Variants in ZNF397 observed in about 807,000 individuals in gnomAD.
ZNF397 encodes zinc finger and SCAN domain-containing protein 15.
Under a neutral mutation model 50.6 loss-of-function variants are expected in ZNF397, and 38 were observed. The observed-to-expected ratio is 0.75, with a 90% CI of 0.58 to 0.98. ZNF397 has a LOEUF of 0.98. Among genes scored for constraint, ZNF397 ranks in the 50% least tolerant of loss-of-function variants. The probability of loss-of-function intolerance (pLI) is 0.00; values close to 1 mark genes in which losing one functional copy is unlikely to be tolerated. For missense variants in ZNF397, 624 were observed against 624.1 expected (o/e 1.00, Z 0.00); for synonymous variants, 228 against 215.2 (o/e 1.06, Z -0.52).
Position 35,245,943 on chromosome 18 carries a change from T to C in ZNF397, c.1238T>C (p.Ile413Thr), listed in dbSNP as rs758934612. 1 of 1,580,016 alleles carries C rather than the reference T, an allele frequency of 6.3e-7. No individual in the cohort carries two copies. Among genetic ancestry groups the C allele is most frequent in the South Asian group, 1.2e-5 (1 of 86,394 alleles). Residue 413 changes from isoleucine (I) to threonine (T), a missense_variant, in exon 4 of 4, where the codon ATT becomes ACT. Coordinates refer to ENST00000330501, the MANE Select transcript of ZNF397 (RefSeq NM_001135178.3). ...GKTFSQSSKLIRHQRIHTGER... is the reference protein window; with the variant it reads ...GKTFSQSSKLTRHQRIHTGER... The stretch of plus-strand genomic sequence containing the variant: ...ACCTTTAGCCAGAGCTCAAAACTCA[T>C]TAGACATCAGCGAATTCACACAGGA...
In ZNF397 at chr18:35,241,471, C is replaced by T. The variant is rs571685877; in HGVS notation, c.-81+362C>T. 1.1e-4 allele frequency: 17 copies of T among 152,346 alleles called. No homozygotes were observed. In the South Asian group the frequency reaches 3.1e-3, roughly 28 times the overall value. 9.4% of individuals were successfully genotyped at this position (152,346 alleles called of 1,614,324 possible). On this transcript the variant is annotated intron_variant, in intron 1 of 3. Transcript: ENST00000330501. ...CGTAGTGTGAGGAATGAATTTTACTCATCTGTCCTGACAAACTAAGGGCAT... is the reference window on the plus strand; with the variant it reads ...CGTAGTGTGAGGAATGAATTTTACTTATCTGTCCTGACAAACTAAGGGCAT...
In ZNF397 at chr18:35,245,434, T is replaced by G. The variant is rs1210130964; in HGVS notation, c.729T>G (p.Phe243Leu). 1 of 1,562,360 alleles carries G rather than the reference T, an allele frequency of 6.4e-7. No homozygotes were observed. The highest frequency in any genetic ancestry group is 2.4e-5 in the East Asian group (1 of 41,450). The change falls in exon 4 of 4, where the codon TTT (phenylalanine) becomes TTG (leucine). Residue 243 changes from phenylalanine (F) to leucine (L), a missense_variant. Physicochemically the swap from Phe to Leu is conservative, Grantham distance 22. Transcript: ENST00000330501. ...GATCTCCTTCCCAAGGGGGCAGTTT[T>G]AGTCAAGTGATCTTCACAAACAAAT... ...KLRSPSQGGS[F>L]SQVIFTNKSL...
downstream of ZNF397, chr18:35,253,900 A>G: frequency 6.2e-7 from 1 of 1,614,184 alleles, no homozygotes; most frequent in East Asian, 2.2e-5. Context: ...TCTGATGTCT[A>G]ACAAGGTCTG....
downstream of ZNF397, chr18:35,253,579 C>A (rs1043928441): frequency 1.9e-6 from 3 of 1,613,640 alleles, no homozygotes; most frequent in African/African-American, 1.3e-5. Flanking sequence ...GGGCTGAGCT[C>A]TGATTGAAGG....
rs1043485006 is a variant in ZNF397, at chr18:35,248,015, A to G, written c.*1705A>G. On this transcript the variant is annotated 3_prime_UTR_variant, in exon 4 of 4. Coordinates refer to ENST00000330501, the MANE Select transcript of ZNF397 (RefSeq NM_001135178.3). ...AAGACAATGCTAAAAGGAAGTGACA[A>G]CTGAAACTAATGGTCACAGTCAGTC... 1 of 152,208 alleles carries G rather than the reference A, an allele frequency of 6.6e-6. No homozygotes were observed. The highest frequency in any genetic ancestry group is 6.5e-5 in the Admixed American group (1 of 15,284). 9.4% of individuals were successfully genotyped at this position (152,208 alleles called of 1,614,324 possible).
intron 2 of ZNF397, 119 bp from the exon 3 acceptor site, chr18:35,243,033 G>T (rs1912635878): frequency 6.6e-7 from 1 of 1,514,270 alleles, no homozygotes; most frequent in African/African-American, 1.4e-5. Flanking sequence ...ACCCTTGAAT[G>T]GTCTTTTTCC....
Position 35,246,450 on chromosome 18 carries a change from C to T in ZNF397, c.*140C>T. 1 of 1,438,660 alleles carries T rather than the reference C, an allele frequency of 7.0e-7. No individual in the cohort carries two copies. Among genetic ancestry groups the T allele is most frequent in the Non-Finnish European group, 9.1e-7 (1 of 1,098,546 alleles). The allele number at this position is 1,438,660 out of a possible 1,614,324, so 89.1% of individuals were successfully genotyped here. On this transcript the variant is annotated 3_prime_UTR_variant, in exon 4 of 4. Transcript: ENST00000330501. ...TCTAGCTTGCTTTGTGCAGCATTTC[C>T]CAGTGCTAATGTAAAGTGTCCCTTG... is the stretch of plus-strand genomic sequence containing the variant.
chr18:35,241,719 C>T (rs1158056328), intron 1 of ZNF397: 2 of 152,076 alleles, frequency 1.3e-5, no homozygotes, highest in Non-Finnish European at 2.9e-5. Context: ...CGTCTTGGTT[C>T]TTGGTCAATT....
At position 35,245,776 on chromosome 18, in the gene ZNF397, T is replaced by G. The variant is rs544389073; in HGVS notation, c.1071T>G (p.Ile357Met). Residue 357 changes from isoleucine (I) to methionine (M), a missense_variant, in exon 4 of 4, where the codon ATT (isoleucine) becomes ATG (methionine). Coordinates refer to ENST00000330501, the MANE Select transcript of ZNF397 (RefSeq NM_001135178.3). ...GKAFNQSSALIRHRKIHTGEK... is the reference protein window; with the variant it reads ...GKAFNQSSALMRHRKIHTGEK... Reference sequence around the variant, plus strand: ...CTTTCAATCAGAGCTCAGCCCTCATTAGACATCGGAAAATCCATACTGGTG... The same window carrying G: ...CTTTCAATCAGAGCTCAGCCCTCATGAGACATCGGAAAATCCATACTGGTG... 4.5e-6 allele frequency: 7 copies of G among 1,551,996 alleles called. No homozygotes were observed. Among genetic ancestry groups the G allele is most frequent in the Non-Finnish European group, 6.1e-6 (7 of 1,147,138 alleles).
chr18:35,245,181 C>G (rs1480880408), intron 3 of ZNF397, 81 bp from the exon 4 acceptor site: 3 of 1,448,444 alleles, frequency 2.1e-6, no homozygotes, highest in Non-Finnish European at 2.7e-6. Flanking sequence ...TAGGTAGAAG[C>G]TTCTGTTTTC....
chr18:35,242,282 C>T, intron 1 of ZNF397, 109 bp from the exon 2 acceptor site: 1 of 512,998 alleles, frequency 1.9e-6, no homozygotes, highest in Non-Finnish European at 3.4e-6. Context: ...TAGTGATAGC[C>T]CCAAATCTAC....
intron 3 of ZNF397, chr18:35,243,636 A>G: frequency 1.8e-6 from 1 of 547,656 alleles, no homozygotes; most frequent in Non-Finnish European, 3.3e-6. Context: ...ATAGAATATA[A>G]GTAGGCAGTG....
At chr18:35,244,812 A>G (rs1414949130) in intron 3 of ZNF397, among the ~76,000 whole-genome samples, 1 of 152,148 alleles carries the variant, frequency 6.6e-6, no homozygotes, top group Non-Finnish European at 1.5e-5. Flanking sequence ...AGATTGTGGA[A>G]TGAGGATACT....
chr18:35,245,688 T>C lies in ZNF397; in HGVS notation c.983T>C (p.Leu328Pro). Residue 328 changes from leucine (L) to proline (P), a missense_variant, in exon 4 of 4, where the codon CTT becomes CCT. Leu to Pro is a moderately conservative substitution (Grantham distance 98). Transcript: ENST00000330501. ...CGKAFSLRSYLIIHQRIHSGE... is the reference protein window; with the variant it reads ...CGKAFSLRSYPIIHQRIHSGE... ...AAGGCCTTTAGTTTGAGGTCCTATC[T>C]TATTATTCATCAGAGAATTCATAGT... The C allele has an allele frequency of 1.3e-6, 2 of 1,552,356 alleles. No homozygotes were observed. Among genetic ancestry groups the C allele is most frequent in the East Asian group, 4.9e-5 (2 of 40,934 alleles).
At position 35,247,081 on chromosome 18, in the gene ZNF397, A is replaced by G. The variant is rs1029765250; in HGVS notation, c.*771A>G. ...TGGTACTCTAGGGAAGTGGTACCCC[A>G]GTAAAGAACAGTAGCCAAAGGCCAG... is the stretch of plus-strand genomic sequence containing the variant. On this transcript the variant is annotated 3_prime_UTR_variant, in exon 4 of 4. Coordinates refer to ENST00000330501, the MANE Select transcript of ZNF397 (RefSeq NM_001135178.3). 2.0e-6 allele frequency: 2 copies of G among 984,994 alleles called. No individual in the cohort carries two copies. The highest frequency in any genetic ancestry group is 1.7e-5 in the African/African-American group (1 of 57,216). 61.0% of individuals were successfully genotyped at this position (984,994 alleles called of 1,614,324 possible).
intron 5 of ZNF397, among the ~76,000 whole-genome samples, chr18:35,255,274 C>T (rs1280783997): frequency 6.6e-6 from 1 of 151,248 alleles, no homozygotes; most frequent in Non-Finnish European, 1.5e-5. Flanking sequence ...CAGAAGGCTA[C>T]TAGAGATGGG....
At chr18:35,243,013 A>G in intron 2 of ZNF397, 129 bp downstream of exon 2, 3 of 1,477,748 alleles carry the variant, frequency 2.0e-6, no homozygotes, top group Non-Finnish European at 2.7e-6. Flanking sequence ...ATAGAGCCAT[A>G]CTTGTCTATA....
At chr18:35,252,323 A>AG (rs2043627377), downstream of ZNF397, 1 of 152,190 alleles carries the variant, frequency 6.6e-6, no homozygotes, top group Non-Finnish European at 1.5e-5. Context: ...TGGGGACTGG[A>AG]GTGTTTGTGT....
downstream of ZNF397, chr18:35,254,003 C>A (rs575677090): frequency 6.8e-4 from 1,096 of 1,614,204 alleles, 11 homozygotes; most frequent in South Asian, 0.011. Context: ...TGAGCTCTGG[C>A]AAAAGGCCTT....
Sources: gnomAD v4.1 joint callset for allele counts (sites outside exome capture counted in the v4.1 genomes callset) on GRCh38, gnomAD v4.1.1 for gene constraint, MANE v1.5 for transcripts, NCBI Gene and HGNC (gene_info 2026-07-23, HGNC 2026-07-21) for gene names.